PLEKHA2: variants seen among roughly 807,000 people sequenced by gnomAD.
PLEKHA2 encodes the protein pleckstrin homology domain-containing family A member 2.
PLEKHA2 carries 28 observed loss-of-function variants against 53.2 expected under a neutral mutation model. The observed-to-expected ratio is 0.53, with a 90% CI of 0.39 to 0.72. PLEKHA2 has a LOEUF of 0.72. PLEKHA2 is among the 30% of genes least tolerant of loss of function. The pLI, the probability that PLEKHA2 is intolerant of heterozygous loss-of-function variation, is 0.00. For missense variants in PLEKHA2, 426 were observed against 537.9 expected (o/e 0.79, Z 2.06); for synonymous variants, 193 against 196.4 (o/e 0.98, Z 0.14).
At chr8:38,920,173 C>T (rs1375548041) in intron 2 of PLEKHA2, among the ~76,000 whole-genome samples, 5 of 151,982 alleles carry the variant, frequency 3.3e-5, no homozygotes, top group African/African-American at 4.8e-5. Context: ...AGTTTTGAGA[C>T]GGGGTCTCTC....
chr8:38,933,296 T>C (rs1295567313), intron 2 of PLEKHA2, among the ~76,000 whole-genome samples: 1 of 152,118 alleles, frequency 6.6e-6, no homozygotes, highest in African/African-American at 2.4e-5. Context: ...TTCCATGGAA[T>C]TCTCCCCACC....
chr8:38,912,192 C>G (rs1448125940), intron 1 of PLEKHA2, among the ~76,000 whole-genome samples: 1 of 151,776 alleles, frequency 6.6e-6, no homozygotes, highest in African/African-American at 2.4e-5. Flanking sequence ...CCCAGCTACT[C>G]TGGAGGCTGA....
chr8:38,946,471 C>T (rs183766814), intron 5 of PLEKHA2, among the ~76,000 whole-genome samples: 2 of 152,242 alleles, frequency 1.3e-5, no homozygotes, highest in East Asian at 3.9e-4. Context: ...GGAGGGCTCC[C>T]GATCAGTCAT....
chr8:38,962,987 GA>G (rs1157386497), intron 10 of PLEKHA2, among the ~76,000 whole-genome samples: 2 of 152,238 alleles, frequency 1.3e-5, no homozygotes, highest in Non-Finnish European at 1.5e-5. Context: ...CAGAGGTGGA[GA>G]ACAGAATGAA....
intron 1 of PLEKHA2, chr8:38,901,835 C>T: frequency 6.6e-6 from 1 of 152,228 alleles, no homozygotes; most frequent in Non-Finnish European, 1.5e-5. Context: ...GCTGGGGCAC[C>T]GACCCCGCAA....
intron 10 of PLEKHA2, among the ~76,000 whole-genome samples, chr8:38,961,269 G>A (rs1426381043): frequency 6.6e-6 from 1 of 152,206 alleles, no homozygotes; most frequent in Non-Finnish European, 1.5e-5. Flanking sequence ...CAGGCACGGT[G>A]GCTCACGCCT....
chr8:38,903,306 A>G (rs1395208481), intron 1 of PLEKHA2, among the ~76,000 whole-genome samples: 1 of 152,214 alleles, frequency 6.6e-6, no homozygotes, highest in Non-Finnish European at 1.5e-5. Flanking sequence ...AGCCTTGCTC[A>G]TTTCACAGAT....
chr8:38,928,236 C>CTTTTTTTTTTTTTTTTTTTTT, intron 2 of PLEKHA2, among the ~76,000 whole-genome samples: 1 of 110,130 alleles, frequency 9.1e-6, no homozygotes, highest in Non-Finnish European at 1.8e-5. Flanking sequence ...CTGACCTGGT[C>CTTTTTTTTTTTTTTTTTTTTT]TTTTTTTTTT....
intron 5 of PLEKHA2, 33 bp downstream of exon 5, chr8:38,946,254 G>A (rs369160683): frequency 2.4e-5 from 37 of 1,544,846 alleles, no homozygotes; most frequent in Non-Finnish European, 3.2e-5. Context: ...TCTGGTGGTA[G>A]TAAAAGTGCC....
At chr8:38,947,701 A>G (rs563136121) in intron 5 of PLEKHA2, among the ~76,000 whole-genome samples, 1 of 152,224 alleles carries the variant, frequency 6.6e-6, no homozygotes, top group African/African-American at 2.4e-5. Context: ...ACACCGGAGC[A>G]TAAGCACTGA....
chr8:38,953,357 G>T lies in PLEKHA2; in HGVS notation c.763G>T (p.Val255Phe), dbSNP rs753083983. 5.0e-6 allele frequency: 8 copies of T among 1,611,148 alleles called. No homozygotes were observed. Among genetic ancestry groups the T allele is most frequent in the South Asian group, 1.1e-5 (1 of 91,014 alleles). Residue 255 changes from valine (V) to phenylalanine (F), a missense_variant, in exon 9 of 12, where the codon GTC becomes TTC. Physicochemically the swap from Val to Phe is conservative, Grantham distance 50. Transcript: ENST00000617275. ...TGTTCTGAAGACCCATGAATGTCTG[G>T]TCAAGTCTGGGTAATTGTGTCTGCT... Reference protein sequence around the residue: ...KDVLKTHECLVKSGDLLMRDN... With the variant: ...KDVLKTHECLFKSGDLLMRDN...
chr8:38,936,483 AT>A (rs1331592431), intron 3 of PLEKHA2, among the ~76,000 whole-genome samples: 2 of 152,206 alleles, frequency 1.3e-5, no homozygotes, highest in East Asian at 3.9e-4. Flanking sequence ...GCTTCACTGG[AT>A]TTTTTACCAG....
chr8:38,955,845 A>T (rs986937882), intron 9 of PLEKHA2, among the ~76,000 whole-genome samples: 1 of 152,118 alleles, frequency 6.6e-6, no homozygotes, highest in Non-Finnish European at 1.5e-5. Context: ...GTTGAGATAG[A>T]GTCTTGCTCT....
chr8:38,931,396 G>A (rs966130252), intron 2 of PLEKHA2, among the ~76,000 whole-genome samples: 9 of 152,114 alleles, frequency 5.9e-5, no homozygotes, highest in African/African-American at 1.7e-4. Flanking sequence ...TCATCTTGAC[G>A]CTTCCAGTCC....
intron 3 of PLEKHA2, 96 bp downstream of exon 3, chr8:38,936,146 A>G: frequency 7.5e-7 from 1 of 1,336,374 alleles, no homozygotes; most frequent in Non-Finnish European, 1.1e-6. Context: ...ATTAGTATTT[A>G]GGGACGTTGC....
intron 1 of PLEKHA2, among the ~76,000 whole-genome samples, chr8:38,906,651 T>C (rs1833881839): frequency 6.6e-6 from 1 of 152,218 alleles, no homozygotes; most frequent in South Asian, 2.1e-4. Context: ...GAATCTGCTA[T>C]CATGACAGTT....
intron 3 of PLEKHA2, among the ~76,000 whole-genome samples, chr8:38,936,629 T>A (rs1384949442): frequency 6.6e-6 from 1 of 152,194 alleles, no homozygotes; most frequent in African/African-American, 2.4e-5. Flanking sequence ...CCCCGTCCCA[T>A]TTGTACAGAA....
intron 1 of PLEKHA2, among the ~76,000 whole-genome samples, chr8:38,912,300 G>A (rs1833965745): frequency 6.6e-6 from 1 of 152,174 alleles, no homozygotes; most frequent in Non-Finnish European, 1.5e-5. Flanking sequence ...GCAAAACTCT[G>A]TCTCAAAAAA....
chr8:38,972,525 T>C lies in PLEKHA2; in HGVS notation c.*2742T>C, dbSNP rs189471360. On this transcript the variant is annotated 3_prime_UTR_variant, in exon 12 of 12. Coordinates refer to ENST00000617275, the MANE Select transcript of PLEKHA2 (RefSeq NM_021623.2). ...TAGTTCAATATGAGATAAATTATTATCTTCAATGAAACAAGCTCTAAAAGC... is the reference window on the plus strand; with the variant it reads ...TAGTTCAATATGAGATAAATTATTACCTTCAATGAAACAAGCTCTAAAAGC... 1.3e-5 allele frequency: 2 copies of C among 152,322 alleles called. No homozygotes were observed. Among genetic ancestry groups the C allele is most frequent in the African/African-American group, 2.4e-5 (1 of 41,556 alleles). The allele number at this position is 152,322 out of a possible 1,614,324, so 9.4% of individuals were successfully genotyped here.
Sources: gnomAD v4.1 joint callset for allele counts (sites outside exome capture counted in the v4.1 genomes callset) on GRCh38, gnomAD v4.1.1 for gene constraint, MANE v1.5 for transcripts, NCBI Gene and HGNC (gene_info 2026-07-23, HGNC 2026-07-21) for gene names.